Variants in SMARCC1 observed in about 807,000 individuals in gnomAD.
SMARCC1 encodes SWI/SNF complex subunit SMARCC1.
In SMARCC1, 43 loss-of-function variants were observed where a neutral mutation model predicts 147.4. The ratio of observed to expected loss-of-function variants is 0.29; its 90% confidence interval spans 0.23 to 0.38. SMARCC1 has a LOEUF of 0.38. Ranked by LOEUF, SMARCC1 falls within the 10% of genes least tolerant of loss-of-function variation. SMARCC1 has a pLI of 1.00. For synonymous variants in SMARCC1, 495 were observed against 484.4 expected (o/e 1.02, Z -0.29); for missense variants, 1,119 against 1,381.1 (o/e 0.81, Z 3.01).
At chr3:47,594,921 A>C (rs2032246547) in intron 26 of SMARCC1, among the ~76,000 whole-genome samples, 1 of 152,180 alleles carries the variant, frequency 6.6e-6, no homozygotes, top group Non-Finnish European at 1.5e-5. Flanking sequence ...GCATACCTAC[A>C]TCCCTACAAC....
chr3:47,627,811 C>T (rs1366707613), intron 24 of SMARCC1, among the ~76,000 whole-genome samples: 2 of 152,116 alleles, frequency 1.3e-5, no homozygotes, highest in Non-Finnish European at 2.9e-5. Context: ...ACCTCAAACT[C>T]CTCAGCTCAA....
At chr3:47,778,859 G>C (rs979924728) in intron 1 of SMARCC1, among the ~76,000 whole-genome samples, 1 of 151,578 alleles carries the variant, frequency 6.6e-6, no homozygotes, top group Non-Finnish European at 1.5e-5. Flanking sequence ...GTGGTGGTTC[G>C]TGCCTGTAGT....
At chr3:47,764,302 T>A (rs2034809642) in intron 2 of SMARCC1, among the ~76,000 whole-genome samples, 1 of 152,142 alleles carries the variant, frequency 6.6e-6, no homozygotes. Flanking sequence ...TCCCAAGTAG[T>A]CTGGATTACA....
chr3:47,665,057 T>G (rs575924416), intron 19 of SMARCC1, among the ~76,000 whole-genome samples: 1 of 152,270 alleles, frequency 6.6e-6, no homozygotes, highest in South Asian at 2.1e-4. Context: ...GGTCACGGAC[T>G]TCTGAACTCA....
intron 2 of SMARCC1, among the ~76,000 whole-genome samples, chr3:47,769,746 T>C (rs1219921417): frequency 6.6e-6 from 1 of 152,216 alleles, no homozygotes; most frequent in Admixed American, 6.6e-5. Context: ...TTTGTATTCT[T>C]AGGACCCTGC....
rs10662354 is a variant in SMARCC1, at chr3:47,780,168, G to GTTTTTTTTTT, written c.195+1425_195+1434dup. Among the ~76,000 whole-genome samples the GTTTTTTTTTT allele has an allele frequency of 3.6e-3, 220 of 61,824 alleles. 15 individuals carry two copies. The highest frequency in any genetic ancestry group is 8.1e-3 in the East Asian group (15 of 1,858). 40.6% of individuals were successfully genotyped at this position (61,824 alleles called of 152,430 possible). On this transcript the variant is annotated intron_variant, in intron 1 of 27. Transcript: ENST00000254480. ...ATTTCTGGGTCTTTGGTTTTTTTTT[G>GTTTTTTTTTT]TTTTTTTTTTTTTTTTTTTTTTGGA...
At chr3:47,623,524 GA>G (rs2032765558) in intron 24 of SMARCC1, among the ~76,000 whole-genome samples, 1 of 152,134 alleles carries the variant, frequency 6.6e-6, no homozygotes, top group African/African-American at 2.4e-5. Flanking sequence ...AAAAGATTCA[GA>G]AATGTAGACA....
chr3:47,651,834 G>T (rs540123315), intron 21 of SMARCC1, among the ~76,000 whole-genome samples: 1 of 152,186 alleles, frequency 6.6e-6, no homozygotes, highest in African/African-American at 2.4e-5. Flanking sequence ...GGTTTACTTT[G>T]TTTACCAGTA....
In SMARCC1 at chr3:47,673,042, G is replaced by C. The variant is rs113560071; in HGVS notation, c.1840-2325C>G. The stretch of plus-strand genomic sequence containing the variant: ...TGGCTCTACAATATAAGCCTCATTA[G>C]AGCCCACAAAATGACTGCTGAAGCT... On this transcript the variant is annotated intron_variant, in intron 18 of 27. Coordinates refer to ENST00000254480, the MANE Select transcript of SMARCC1 (RefSeq NM_003074.4). 4.2e-3 allele frequency among the ~76,000 whole-genome samples: 643 copies of C among 151,976 alleles called. 5 individuals are homozygous for C. Among genetic ancestry groups the C allele is most frequent in the African/African-American group, 0.015 (602 of 41,430 alleles).
chr3:47,712,256 C>CTAAA (rs1170094928), intron 8 of SMARCC1, among the ~76,000 whole-genome samples: 5 of 150,948 alleles, frequency 3.3e-5, no homozygotes, highest in South Asian at 2.1e-4. Flanking sequence ...AACTAACTAA[C>CTAAA]TAAATAAATA....
chr3:47,727,169 C>T (rs764421219), intron 6 of SMARCC1, among the ~76,000 whole-genome samples: 15 of 150,942 alleles, frequency 9.9e-5, no homozygotes, highest in South Asian at 8.4e-4. Flanking sequence ...GCCAAGATGA[C>T]GCCACTACAC....
At chr3:47,781,491 G>C in intron 1 of SMARCC1, 112 bp downstream of exon 1, 1 of 699,372 alleles carries the variant, frequency 1.4e-6, no homozygotes. Context: ...GCCTGCCTTT[G>C]TTGTCCCTCG....
At chr3:47,655,377 T>C (rs1307059376) in intron 21 of SMARCC1, among the ~76,000 whole-genome samples, 3 of 151,732 alleles carry the variant, frequency 2.0e-5, no homozygotes, top group Admixed American at 6.6e-5. Context: ...CCAGCCTGGG[T>C]GACAAAGCGA....
intron 5 of SMARCC1, among the ~76,000 whole-genome samples, chr3:47,733,049 G>A (rs1295841551): frequency 6.6e-6 from 1 of 151,752 alleles, no homozygotes; most frequent in Non-Finnish European, 1.5e-5. Flanking sequence ...GGAGGATGCA[G>A]TGAGCCGAGA....
At chr3:47,767,599 G>A (rs1039928211) in intron 2 of SMARCC1, among the ~76,000 whole-genome samples, 1 of 147,488 alleles carries the variant, frequency 6.8e-6, no homozygotes, top group African/African-American at 2.5e-5. Flanking sequence ...GCCGGGTGCG[G>A]TGGCTCACGC....
chr3:47,750,627 T>A (rs1241885110), intron 2 of SMARCC1, among the ~76,000 whole-genome samples: 1 of 152,194 alleles, frequency 6.6e-6, no homozygotes, highest in East Asian at 1.9e-4. Context: ...ATATATTTAA[T>A]GTGGAATATG....
chr3:47,772,724 C>T (rs1000075319), intron 2 of SMARCC1, 93 bp downstream of exon 2: 61 of 1,119,662 alleles, frequency 5.4e-5, no homozygotes, highest in Non-Finnish European at 6.7e-5. Context: ...AAATTCTACA[C>T]GCTAGCAGCA....
intron 3 of SMARCC1, among the ~76,000 whole-genome samples, chr3:47,742,679 C>A (rs1271036431): frequency 2.6e-5 from 4 of 152,150 alleles, no homozygotes; most frequent in Non-Finnish European, 5.9e-5. Context: ...ACATCCTGAA[C>A]TCAAGTGATC....
At chr3:47,775,351 G>C (rs986704206) in intron 1 of SMARCC1, among the ~76,000 whole-genome samples, 1 of 150,232 alleles carries the variant, frequency 6.7e-6, no homozygotes, top group Non-Finnish European at 1.5e-5. Flanking sequence ...TAGTAGAGAC[G>C]GGGTTTCACC....
Sources: allele counts gnomAD v4.1 joint callset (sites outside exome capture counted in the v4.1 genomes callset), GRCh38; gene constraint gnomAD v4.1.1; transcripts MANE v1.5; gene names NCBI Gene and HGNC (gene_info 2026-07-23, HGNC 2026-07-21).